The following EXOC4 variants were observed in gnomAD, a reference collection of about 807,000 sequenced individuals.
The protein encoded by EXOC4 is exocyst complex component 4.
EXOC4 carries 71 observed loss-of-function variants against 107.2 expected under a neutral mutation model. That is an observed-to-expected ratio of 0.66 (90% confidence interval 0.55 to 0.81). EXOC4 has a LOEUF of 0.81. EXOC4 is among the 30% of genes least tolerant of loss of function. The pLI, the probability that EXOC4 is intolerant of heterozygous loss-of-function variation, is 0.00. For missense variants in EXOC4, 1,108 were observed against 1,189.6 expected, an observed-to-expected ratio of 0.93 and a Z score of 1.01; for synonymous variants, 456 against 441.2, an observed-to-expected ratio of 1.03 and a Z score of -0.42.
At chr7:134,038,927 G>T (rs1281794670) in intron 17 of EXOC4, among the ~76,000 whole-genome samples, 2 of 152,196 alleles carry the variant, frequency 1.3e-5, no homozygotes, top group African/African-American at 2.4e-5. Context: ...CACTCCAAAT[G>T]CACATGTAAA....
rs35280420 is a variant in EXOC4 at position 133,439,182 on chromosome 7, CT to C, written c.1183-36125del. ...GGAAATATACCATATTTCATCAGTTCTTTTTTTTTTTTTTTTTTTTTGAGAT... is the reference window on the plus strand; with the variant it reads ...GGAAATATACCATATTTCATCAGTTCTTTTTTTTTTTTTTTTTTTTGAGAT... On this transcript the variant is annotated intron_variant, in intron 7 of 17. Coordinates refer to ENST00000253861, the MANE Select transcript of EXOC4 (RefSeq NM_021807.4). Among the ~76,000 whole-genome samples the C allele has an allele frequency of 9.8e-3, 923 of 94,020 alleles. 3 individuals are homozygous for C. The highest frequency in any genetic ancestry group is 0.047 in the Middle Eastern group (4 of 86). 61.7% of individuals were successfully genotyped at this position (94,020 alleles called of 152,430 possible).
At chr7:133,460,870 A>T (rs1330849492) in intron 7 of EXOC4, among the ~76,000 whole-genome samples, 1 of 152,224 alleles carries the variant, frequency 6.6e-6, no homozygotes, top group Non-Finnish European at 1.5e-5. Context: ...AATTTTGTCT[A>T]ATACATGCTG....
intron 10 of EXOC4, among the ~76,000 whole-genome samples, chr7:133,708,823 A>T (rs888750302): frequency 1.3e-5 from 2 of 152,216 alleles, no homozygotes; most frequent in African/African-American, 4.8e-5. Flanking sequence ...ATATCCTAAT[A>T]AAGTGGTTTC....
At chr7:133,708,330 G>A (rs1037224584) in intron 10 of EXOC4, among the ~76,000 whole-genome samples, 3 of 152,152 alleles carry the variant, frequency 2.0e-5, no homozygotes, top group African/African-American at 7.2e-5. Context: ...ATTTTAGTTG[G>A]CTAGATGGGG....
chr7:134,037,464 T>G (rs1355848192), intron 17 of EXOC4, among the ~76,000 whole-genome samples: 1 of 152,202 alleles, frequency 6.6e-6, no homozygotes, highest in Non-Finnish European at 1.5e-5. Flanking sequence ...CATTTTTCCC[T>G]TGTGGGAGGC....
At chr7:133,574,640 A>G (rs1416087938) in intron 9 of EXOC4, among the ~76,000 whole-genome samples, 1 of 152,166 alleles carries the variant, frequency 6.6e-6, no homozygotes, top group Non-Finnish European at 1.5e-5. Context: ...CTTTACACGA[A>G]TGAAGAATGA....
intron 14 of EXOC4, among the ~76,000 whole-genome samples, chr7:133,945,005 T>C (rs141713051): frequency 2.6e-4 from 39 of 152,316 alleles, no homozygotes; most frequent in African/African-American, 9.1e-4. Context: ...TCAAAACCCA[T>C]TCACAAGTGG....
intron 4 of EXOC4, among the ~76,000 whole-genome samples, chr7:133,312,844 T>A (rs1315626926): frequency 6.6e-6 from 1 of 152,090 alleles, no homozygotes; most frequent in East Asian, 1.9e-4. Context: ...ATTTTTTTTT[T>A]AAGTATTTTC....
In EXOC4 at chr7:133,443,384, C is replaced by CTGG. The variant is rs1339394916; in HGVS notation, c.1183-31942_1183-31941insGTG. Among the ~76,000 whole-genome samples the CTGG allele has an allele frequency of 2.6e-5, 4 of 152,176 alleles. No homozygotes were observed. The East Asian group carries it at 7.7e-4, about 29-fold the overall frequency. On this transcript the variant is annotated intron_variant, in intron 7 of 17. Coordinates refer to ENST00000253861, the MANE Select transcript of EXOC4 (RefSeq NM_021807.4). Reference sequence around the variant, plus strand: ...CGCAGTACAGAATGTGGGCCCATCTCTGCTTTCTCCACCAGAGAGCAACTG... The same window carrying CTGG: ...CGCAGTACAGAATGTGGGCCCATCTCTGGTGCTTTCTCCACCAGAGAGCAACTG...
intron 10 of EXOC4, among the ~76,000 whole-genome samples, chr7:133,654,528 T>G (rs970800475): frequency 6.6e-6 from 1 of 152,158 alleles, no homozygotes; most frequent in Admixed American, 6.6e-5. Context: ...ATTAACACTT[T>G]TAGAGGATCT....
At chr7:133,564,461 G>A (rs1013600308) in intron 9 of EXOC4, among the ~76,000 whole-genome samples, 7 of 152,046 alleles carry the variant, frequency 4.6e-5, no homozygotes, top group African/African-American at 1.7e-4. Context: ...AGAGCTGGAC[G>A]GGAACACAGA....
chr7:133,761,373 G>A (rs1211346133), intron 10 of EXOC4, among the ~76,000 whole-genome samples: 2 of 151,990 alleles, frequency 1.3e-5, no homozygotes, highest in Non-Finnish European at 2.9e-5. Context: ...GAGTTTAAGG[G>A]TGCTTAAGAG....
At chr7:133,453,158 C>T (rs1345730691) in intron 7 of EXOC4, among the ~76,000 whole-genome samples, 1 of 152,170 alleles carries the variant, frequency 6.6e-6, no homozygotes, top group Non-Finnish European at 1.5e-5. Flanking sequence ...ATAAATAATA[C>T]AGCAAGGTTA....
At chr7:133,445,848 C>CA (rs1461485464) in intron 7 of EXOC4, among the ~76,000 whole-genome samples, 1 of 151,786 alleles carries the variant, frequency 6.6e-6, no homozygotes, top group Non-Finnish European at 1.5e-5. Context: ...CCCATCTCTA[C>CA]AAAAAATACA....
At chr7:133,567,466 T>C (rs1380813441) in intron 9 of EXOC4, among the ~76,000 whole-genome samples, 2 of 152,150 alleles carry the variant, frequency 1.3e-5, no homozygotes, top group East Asian at 3.8e-4. Context: ...TCCTTTGTTA[T>C]CACAAGCAAT....
intron 14 of EXOC4, among the ~76,000 whole-genome samples, chr7:133,948,680 T>C (rs1585270404): frequency 6.6e-6 from 1 of 152,190 alleles, no homozygotes; most frequent in African/African-American, 2.4e-5. Context: ...AGAACCTTTG[T>C]AACCACTCAT....
At position 134,064,565 on chromosome 7, in the gene EXOC4, G is replaced by C. The variant is rs772169985; in HGVS notation, c.*37G>C. 3 of 1,414,352 alleles carry C rather than the reference G, an allele frequency of 2.1e-6. No individual in the cohort carries two copies. The highest frequency in any genetic ancestry group is 2.9e-6 in the Non-Finnish European group (3 of 1,038,066). The allele number at this position is 1,414,352 out of a possible 1,614,324, so 87.6% of individuals were successfully genotyped here. A position where few individuals can be genotyped will look rare whatever the true frequency, so the allele number is the denominator to read the frequency against. On this transcript the variant is annotated 3_prime_UTR_variant, in exon 18 of 18. Coordinates refer to ENST00000253861, the MANE Select transcript of EXOC4 (RefSeq NM_021807.4). Reference sequence around the variant, plus strand: ...GCGGTTGGTGACGGGGGTCCCCTCAGTCACACTCACTTTTTTCCTTGGTAT... The same window carrying C: ...GCGGTTGGTGACGGGGGTCCCCTCACTCACACTCACTTTTTTCCTTGGTAT...
chr7:133,468,292 AGCAGGCATCT>A (rs1798781634), intron 7 of EXOC4, among the ~76,000 whole-genome samples: 1 of 152,304 alleles, frequency 6.6e-6, no homozygotes, highest in East Asian at 1.9e-4. Flanking sequence ...AGTATAATTG[AGCAGGCATCT>A]GCTTTATTTT....
chr7:133,921,504 T>G (rs1212259515), intron 13 of EXOC4, among the ~76,000 whole-genome samples: 1 of 152,196 alleles, frequency 6.6e-6, no homozygotes, highest in East Asian at 1.9e-4. Context: ...AACTAAATAT[T>G]TTACTCCACT....
Sources: allele counts gnomAD v4.1 joint callset (sites outside exome capture counted in the v4.1 genomes callset), GRCh38; gene constraint gnomAD v4.1.1; transcripts MANE v1.5; gene names NCBI Gene and HGNC (gene_info 2026-07-23, HGNC 2026-07-21).